PID1: variants seen among roughly 807,000 people sequenced by gnomAD.
PID1 encodes PTB-containing, cubilin and LRP1-interacting protein.
In PID1, 10 loss-of-function variants were observed where a neutral mutation model predicts 19.1. That is an observed-to-expected ratio of 0.52 (90% CI 0.32 to 0.89). PID1 has a LOEUF of 0.89. PID1 is among the 40% of genes least tolerant of loss of function. The pLI is 0.03. For missense variants in PID1, 248 were observed against 285.3 expected, an observed-to-expected ratio of 0.87 and a Z score of 0.94; for synonymous variants, 130 against 116.0, an observed-to-expected ratio of 1.12 and a Z score of -0.78.
At chr2:229,135,212 C>T (rs1689835847) in intron 2 of PID1, among the ~76,000 whole-genome samples, 1 of 152,108 alleles carries the variant, frequency 6.6e-6, no homozygotes. Context: ...GGTTTTGCAT[C>T]GTTCACGTGG....
chr2:229,035,232 C>G (rs967090561), intron 2 of PID1, among the ~76,000 whole-genome samples: 2 of 152,082 alleles, frequency 1.3e-5, no homozygotes, highest in Admixed American at 6.6e-5. Flanking sequence ...GTAGGTAGGT[C>G]TCATCCAATA....
At chr2:229,134,899 C>T (rs79322158) in intron 2 of PID1, among the ~76,000 whole-genome samples, 3,323 of 150,072 alleles carry the variant, frequency 0.022, 130 homozygotes, top group African/African-American at 0.078. Context: ...TTACTATGTC[C>T]GTGGGATAAA....
intron 1 of PID1, among the ~76,000 whole-genome samples, chr2:229,267,384 G>A (rs931091958): frequency 1.3e-5 from 2 of 152,170 alleles, no homozygotes; most frequent in Non-Finnish European, 2.9e-5. Flanking sequence ...TTCTGAATCT[G>A]CCATGGAGAA....
chr2:229,146,133 A>C (rs931676937), intron 2 of PID1, among the ~76,000 whole-genome samples: 10 of 152,288 alleles, frequency 6.6e-5, no homozygotes, highest in Non-Finnish European at 1.3e-4. Flanking sequence ...ATAGTATTCC[A>C]TGGTGTGTAT....
chr2:229,170,179 C>A (rs779626135), intron 1 of PID1, among the ~76,000 whole-genome samples: 14 of 152,118 alleles, frequency 9.2e-5, no homozygotes, highest in Non-Finnish European at 1.8e-4. Flanking sequence ...GCCAATAATA[C>A]CTTTCATGAA....
chr2:229,132,237 T>G (rs886570098), intron 2 of PID1, among the ~76,000 whole-genome samples: 1 of 152,214 alleles, frequency 6.6e-6, no homozygotes, highest in Non-Finnish European at 1.5e-5. Flanking sequence ...ATGGCTCCAA[T>G]GAGCTTCTGA....
chr2:229,146,409 A>G lies in PID1; in HGVS notation c.177+9409T>C, dbSNP rs910814010. On this transcript the variant is annotated intron_variant, in intron 2 of 2. Transcript: ENST00000392055. Reference sequence around the variant, plus strand: ...CTTAAAACCTAGATGACAGGTTGATAGGTACAGCAAACCACCATGGCACAT... The same window carrying G: ...CTTAAAACCTAGATGACAGGTTGATGGGTACAGCAAACCACCATGGCACAT... Among the ~76,000 whole-genome samples the G allele has an allele frequency of 2.6e-4, 40 of 152,268 alleles. 1 individual carries two copies. Among genetic ancestry groups the G allele is most frequent in the African/African-American group, 8.9e-4 (37 of 41,556 alleles).
chr2:229,085,227 A>G (rs1694741988), intron 2 of PID1, among the ~76,000 whole-genome samples: 1 of 151,770 alleles, frequency 6.6e-6, no homozygotes, highest in African/African-American at 2.4e-5. Flanking sequence ...TACTTGTAAA[A>G]AAAAAAAAAA....
rs142035116 is a variant in PID1, at chr2:229,233,071, T to C, written c.30+37943A>G. On this transcript the variant is annotated intron_variant, in intron 1 of 2. Transcript: ENST00000392055. ...TTCAATGGGAAGTGCCAAGAGACTC[T>C]TATTAGCAGAAAGCGCAAGAGGAGA... is the stretch of plus-strand genomic sequence containing the variant. Among the ~76,000 whole-genome samples the C allele has an allele frequency of 5.3e-5, 8 of 152,228 alleles. 1 individual carries two copies. In the East Asian group the frequency reaches 1.5e-3, roughly 29 times the overall value.
chr2:229,247,819 C>T (rs565385073), intron 1 of PID1, among the ~76,000 whole-genome samples: 5 of 152,300 alleles, frequency 3.3e-5, no homozygotes, highest in South Asian at 2.1e-4. Flanking sequence ...TTGGAAATAA[C>T]CTCCAACATA....
chr2:229,226,469 C>T lies in PID1; in HGVS notation c.30+44545G>A, dbSNP rs577999441. Among the ~76,000 whole-genome samples, 17 of 152,312 alleles carry T rather than the reference C, an allele frequency of 1.1e-4. No individual in the cohort carries two copies. The South Asian group carries it at 3.3e-3, about 30-fold the overall frequency. On this transcript the variant is annotated intron_variant, in intron 1 of 2. Coordinates refer to ENST00000392055, the MANE Select transcript of PID1 (RefSeq NM_001100818.2). ...GACTTGTTGATGTCATATCTCCTGA[C>T]AAAACTTAGCACAGGATGACACCTC...
intron 2 of PID1, among the ~76,000 whole-genome samples, chr2:229,057,852 C>A (rs1292844304): frequency 6.6e-6 from 1 of 152,158 alleles, no homozygotes; most frequent in Non-Finnish European, 1.5e-5. Flanking sequence ...AGCATTCTAC[C>A]TCCACATTCC....
chr2:229,065,017 G>C lies in PID1; in HGVS notation c.178-38909C>G, dbSNP rs181101267. The stretch of plus-strand genomic sequence containing the variant: ...CCTTTTAAGTGAGGCAGGCTCAAGA[G>C]AGTGATAACCAGATGCCAATCACTG... On this transcript the variant is annotated intron_variant, in intron 2 of 2. Transcript: ENST00000392055. 1.1e-4 allele frequency among the ~76,000 whole-genome samples: 16 copies of C among 152,224 alleles called. No individual in the cohort carries two copies. The South Asian group carries it at 3.1e-3, about 30-fold the overall frequency.
chr2:229,042,349 C>T lies in PID1; in HGVS notation c.178-16241G>A, dbSNP rs187921408. On this transcript the variant is annotated intron_variant, in intron 2 of 2. Coordinates refer to ENST00000392055, the MANE Select transcript of PID1 (RefSeq NM_001100818.2). ...AAGCTAAAAGGAATATCAATGAAGA[C>T]GTGTCCTTGGCTCCATCTTAATTTA... 3.9e-4 allele frequency among the ~76,000 whole-genome samples: 59 copies of T among 152,232 alleles called. No individual in the cohort carries two copies. The South Asian group carries it at 5.0e-3, about 13-fold the overall frequency.
At chr2:229,046,984 T>A (rs1312634667) in intron 2 of PID1, among the ~76,000 whole-genome samples, 2 of 152,204 alleles carry the variant, frequency 1.3e-5, no homozygotes, top group African/African-American at 4.8e-5. Context: ...TCCTACCATC[T>A]TGATAGCTGC....
chr2:229,250,744 C>T (rs1043949301), intron 1 of PID1, among the ~76,000 whole-genome samples: 2 of 152,106 alleles, frequency 1.3e-5, no homozygotes, highest in Non-Finnish European at 2.9e-5. Context: ...GGGTAGGACT[C>T]GAGGGGAAGC....
At chr2:229,154,660 T>C (rs1690328429) in intron 2 of PID1, among the ~76,000 whole-genome samples, 2 of 152,128 alleles carry the variant, frequency 1.3e-5, no homozygotes, top group African/African-American at 4.8e-5. Context: ...ATGCGAGAAC[T>C]GATTCCTTCA....
intron 2 of PID1, among the ~76,000 whole-genome samples, chr2:229,071,244 T>C (rs1053792581): frequency 1.3e-5 from 2 of 152,206 alleles, no homozygotes; most frequent in Non-Finnish European, 2.9e-5. Flanking sequence ...TGAGAGAAGT[T>C]ACAATTCCCA....
intron 1 of PID1, among the ~76,000 whole-genome samples, chr2:229,268,741 CTG>C (rs1188041584): frequency 6.6e-6 from 1 of 152,150 alleles, no homozygotes; most frequent in African/African-American, 2.4e-5. Context: ...ACTGCTATCT[CTG>C]TGGCCACAGA....
Sources: gnomAD v4.1 joint callset for allele counts (sites outside exome capture counted in the v4.1 genomes callset) on GRCh38, gnomAD v4.1.1 for gene constraint, MANE v1.5 for transcripts, NCBI Gene and HGNC (gene_info 2026-07-23, HGNC 2026-07-21) for gene names.